The following ULK4 variants were observed in gnomAD, a reference collection of about 807,000 sequenced individuals.
The protein encoded by ULK4 is inactive serine/threonine-protein kinase ULK4.
ULK4 carries 133 observed loss-of-function variants against 160.6 expected under a neutral mutation model. That is an observed-to-expected ratio of 0.83 (90% CI 0.72 to 0.96). ULK4 has a LOEUF of 0.96. Among genes scored for constraint, ULK4 ranks in the 40% least tolerant of loss-of-function variants. ULK4 has a pLI of 0.00. For synonymous variants in ULK4, 534 were observed against 539.8 expected, an observed-to-expected ratio of 0.99 and a Z score of 0.15; for missense variants, 1,580 against 1,499.5, an observed-to-expected ratio of 1.05 and a Z score of -0.89.
chr3:41,393,077 C>T (rs1202967747), intron 35 of ULK4, among the ~76,000 whole-genome samples: 1 of 152,180 alleles, frequency 6.6e-6, no homozygotes, highest in Non-Finnish European at 1.5e-5. Flanking sequence ...CTTTTATGGT[C>T]CTTCTCAGTC....
intron 29 of ULK4, 46 bp from the exon 30 acceptor site, chr3:41,663,745 T>C (rs1356760278): frequency 9.5e-6 from 14 of 1,480,526 alleles, no homozygotes; most frequent in Non-Finnish European, 1.3e-5. Flanking sequence ...GGAAAAATTA[T>C]GTCCAACCTT....
At chr3:41,953,273 T>TATATAC (rs1559673779) in intron 2 of ULK4, among the ~76,000 whole-genome samples, 1,476 of 84,174 alleles carry the variant, frequency 0.018, 29 homozygotes, top group African/African-American at 0.048. Flanking sequence ...TACACATATA[T>TATATAC]ACATATATAC....
intron 9 of ULK4, among the ~76,000 whole-genome samples, chr3:41,912,157 G>A (rs573748785): frequency 6.6e-6 from 1 of 152,128 alleles, no homozygotes; most frequent in Non-Finnish European, 1.5e-5. Flanking sequence ...GTGAAACCCT[G>A]TCTCTACTAA....
Position 41,547,802 on chromosome 3 carries a change from C to A in ULK4, c.3226+18223G>T, listed in dbSNP as rs556533396. Among the ~76,000 whole-genome samples, 4 of 152,312 alleles carry A rather than the reference C, an allele frequency of 2.6e-5. No homozygotes were observed. In the South Asian group the frequency reaches 8.3e-4, roughly 32 times the overall value. ...TGCAGCAATGCAATGCCAGCTGGAA[C>A]CATAATGTGGCCAGTTTCCAGCAAT... is the stretch of plus-strand genomic sequence containing the variant. On this transcript the variant is annotated intron_variant, in intron 32 of 36. Coordinates refer to ENST00000301831, the MANE Select transcript of ULK4 (RefSeq NM_017886.4).
intron 31 of ULK4, among the ~76,000 whole-genome samples, chr3:41,578,977 G>C (rs942595857): frequency 2.6e-5 from 4 of 152,178 alleles, no homozygotes; most frequent in Non-Finnish European, 2.9e-5. Context: ...CTCCTCTTCA[G>C]TATCTATTCT....
At chr3:41,734,288 T>C (rs1350559519) in intron 22 of ULK4, among the ~76,000 whole-genome samples, 2 of 152,074 alleles carry the variant, frequency 1.3e-5, no homozygotes, top group Admixed American at 1.3e-4. Context: ...ACTCAGAAGT[T>C]TGGGTTTGAG....
At chr3:41,261,290 T>C (rs984169964) in intron 35 of ULK4, among the ~76,000 whole-genome samples, 1 of 152,194 alleles carries the variant, frequency 6.6e-6, no homozygotes, top group Non-Finnish European at 1.5e-5. Flanking sequence ...CTTTCAAACA[T>C]ATAATTTTCT....
chr3:41,894,689 T>C (rs1698090469), intron 16 of ULK4, among the ~76,000 whole-genome samples: 1 of 152,220 alleles, frequency 6.6e-6, no homozygotes, highest in Non-Finnish European at 1.5e-5. Flanking sequence ...ATCCCAATTT[T>C]ACAGATGAGG....
intron 34 of ULK4, among the ~76,000 whole-genome samples, chr3:41,448,861 C>T (rs962439618): frequency 2.0e-5 from 3 of 152,124 alleles, no homozygotes; most frequent in African/African-American, 7.2e-5. Flanking sequence ...ACAGACAAAG[C>T]ACAAAAGGAG....
chr3:41,473,837 T>G (rs1472542606), intron 32 of ULK4, among the ~76,000 whole-genome samples: 2 of 151,784 alleles, frequency 1.3e-5, no homozygotes, highest in Non-Finnish European at 2.9e-5. Flanking sequence ...GAAAAGAAAT[T>G]AACAAAGACA....
chr3:41,335,144 T>C (rs1229493331), intron 35 of ULK4, among the ~76,000 whole-genome samples: 1 of 152,238 alleles, frequency 6.6e-6, no homozygotes, highest in East Asian at 1.9e-4. Context: ...AATAGTGTTC[T>C]TTGCAAGACA....
At chr3:41,833,812 A>T (rs950760708) in intron 18 of ULK4, among the ~76,000 whole-genome samples, 2 of 152,022 alleles carry the variant, frequency 1.3e-5, no homozygotes, top group African/African-American at 4.8e-5. Context: ...AAACAGAGAC[A>T]ATTTCACTTC....
intron 34 of ULK4, among the ~76,000 whole-genome samples, chr3:41,408,750 G>C (rs912623442): frequency 3.9e-5 from 6 of 152,068 alleles, no homozygotes; most frequent in Non-Finnish European, 5.9e-5. Flanking sequence ...TGTGGTACTG[G>C]CATAAGATAG....
At chr3:41,495,815 G>A (rs1029745849) in intron 32 of ULK4, among the ~76,000 whole-genome samples, 1 of 151,388 alleles carries the variant, frequency 6.6e-6, no homozygotes, top group Non-Finnish European at 1.5e-5. Context: ...GCAGCCAAAA[G>A]ACACATGAAA....
chr3:41,942,590 G>A (rs1699992600), intron 2 of ULK4, among the ~76,000 whole-genome samples: 1 of 152,104 alleles, frequency 6.6e-6, no homozygotes, highest in Non-Finnish European at 1.5e-5. Context: ...GGCCAAGGCA[G>A]GTGGATCACC....
intron 33 of ULK4, among the ~76,000 whole-genome samples, chr3:41,459,808 G>C (rs1229081604): frequency 6.6e-6 from 1 of 152,136 alleles, no homozygotes; most frequent in Admixed American, 6.5e-5. Flanking sequence ...TGTCTGATTG[G>C]GGTATGGGCA....
At position 41,618,137 on chromosome 3, in the gene ULK4, C is replaced by T. The variant is rs149290264; in HGVS notation, c.3072-2420G>A. Among the ~76,000 whole-genome samples, 855 of 152,182 alleles carry T rather than the reference C, an allele frequency of 5.6e-3. 7 individuals carry two copies. The highest frequency in any genetic ancestry group is 7.6e-3 in the Admixed American group (116 of 15,286). On this transcript the variant is annotated intron_variant, in intron 30 of 36. Coordinates refer to ENST00000301831, the MANE Select transcript of ULK4 (RefSeq NM_017886.4). ...TATGGGACTATGTGAAAAGACCAAA[C>T]CTATGATTGACTGGTATACCTGAAA...
chr3:41,491,945 T>C (rs9821565), intron 32 of ULK4, among the ~76,000 whole-genome samples: 46,547 of 146,468 alleles, frequency 0.32, 7,443 homozygotes, highest in Non-Finnish European at 0.34. Flanking sequence ...TGTGTTCTCA[T>C]TGTTCAATTC....
chr3:41,621,921 AAAAC>A (rs1360588374), intron 30 of ULK4, among the ~76,000 whole-genome samples: 4 of 152,202 alleles, frequency 2.6e-5, no homozygotes, highest in African/African-American at 7.2e-5. Flanking sequence ...TTACAAGAAA[AAAAC>A]AAACAACCCC....
Sources: gnomAD v4.1 joint callset for allele counts (sites outside exome capture counted in the v4.1 genomes callset) on GRCh38, gnomAD v4.1.1 for gene constraint, MANE v1.5 for transcripts, NCBI Gene and HGNC (gene_info 2026-07-23, HGNC 2026-07-21) for gene names.